Variants in FREM2 observed in about 807,000 individuals in gnomAD.
FREM2 encodes FRAS1 related extracellular matrix 2, also known as FRAS1-related extracellular matrix protein 2.
Under a neutral mutation model 219.9 loss-of-function variants are expected in FREM2, and 119 were observed. The ratio of observed to expected loss-of-function variants is 0.54; its 90% CI spans 0.47 to 0.63. The LOEUF (loss-of-function observed/expected upper bound fraction) is 0.63. FREM2 is among the 30% of genes least tolerant of loss of function. The pLI, the probability that FREM2 is intolerant of heterozygous loss-of-function variation, is 0.00. For synonymous variants in FREM2, 1,562 were observed against 1,522.8 expected, an observed-to-expected ratio of 1.03 and a Z score of -0.60; for missense variants, 4,030 against 3,993.6, an observed-to-expected ratio of 1.01 and a Z score of -0.25.
intron 20 of FREM2, 64 bp downstream of exon 20, chr13:38,876,446 T>TAAAAA: frequency 9.0e-7 from 1 of 1,111,530 alleles, no homozygotes; most frequent in African/African-American, 1.6e-5. Flanking sequence ...CATTTATTAG[T>TAAAAA]AAAAAAAAAA....
Position 38,881,999 on chromosome 13 carries a change from A to C in FREM2, c.*1212A>C, listed in dbSNP as rs1878565861. 1.3e-5 allele frequency: 2 copies of C among 152,162 alleles called. No individual in the cohort carries two copies. Among genetic ancestry groups the C allele is most frequent in the Admixed American group, 1.3e-4 (2 of 15,266 alleles). 9.4% of individuals were successfully genotyped at this position (152,162 alleles called of 1,614,324 possible). On this transcript the variant is annotated 3_prime_UTR_variant, in exon 24 of 24. Transcript: ENST00000280481. ...GACCATATTTTTATTTGGTTCAAGA[A>C]GACATCGCTCTGGCATCCCCAGTTC... is the stretch of plus-strand genomic sequence containing the variant.
At chr13:38,805,707 GA>G (rs1374813967) in intron 6 of FREM2, among the ~76,000 whole-genome samples, 2 of 151,920 alleles carry the variant, frequency 1.3e-5, no homozygotes, top group Non-Finnish European at 2.9e-5. Flanking sequence ...GTGGAATAAT[GA>G]AAGGTTACCA....
chr13:38,840,094 G>A (rs780806523), intron 6 of FREM2, among the ~76,000 whole-genome samples: 17 of 152,170 alleles, frequency 1.1e-4, no homozygotes, highest in East Asian at 7.7e-4. Context: ...ATAGGCACCC[G>A]AAGGAATCTC....
chr13:38,856,271 G>A lies in FREM2; in HGVS notation c.7056+15G>A, dbSNP rs1404817574. On this transcript the variant is annotated intron_variant, in intron 12 of 23. Coordinates refer to ENST00000280481, the MANE Select transcript of FREM2 (RefSeq NM_207361.6). ...CAGAGATGCAGGTAAGTAATGTAAT[G>A]TGTATGTAAATTCATGGCTAGCAGT... The A allele has an allele frequency of 2.5e-6, 4 of 1,609,076 alleles. No individual in the cohort carries two copies. The highest frequency in any genetic ancestry group is 1.7e-5 in the Admixed American group (1 of 59,896).
chr13:38,708,547 G>A (rs553872160), intron 2 of FREM2, among the ~76,000 whole-genome samples: 3 of 151,948 alleles, frequency 2.0e-5, no homozygotes, highest in Non-Finnish European at 2.9e-5. Context: ...CCAGCTACTC[G>A]GGAGGCTGAG....
At position 38,885,090 on chromosome 13, in the gene FREM2, C is replaced by G. The variant is rs897072005; in HGVS notation, c.*4303C>G. ...CTCCCCTTTTCCATGGATTTTGATACTAAGAAACAAAATGCTTTGAGATTT... is the reference window on the plus strand; with the variant it reads ...CTCCCCTTTTCCATGGATTTTGATAGTAAGAAACAAAATGCTTTGAGATTT... On this transcript the variant is annotated 3_prime_UTR_variant, in exon 24 of 24. Coordinates refer to ENST00000280481, the MANE Select transcript of FREM2 (RefSeq NM_207361.6). The G allele has an allele frequency of 6.6e-6, 1 of 152,036 alleles. No homozygotes were observed. Among genetic ancestry groups the G allele is most frequent in the African/African-American group, 2.4e-5 (1 of 41,424 alleles). 9.4% of individuals were successfully genotyped at this position (152,036 alleles called of 1,614,324 possible).
chr13:38,706,209 C>A (rs1167351356), intron 2 of FREM2, among the ~76,000 whole-genome samples: 1 of 152,058 alleles, frequency 6.6e-6, no homozygotes, highest in Non-Finnish European at 1.5e-5. Flanking sequence ...CAAAATATAA[C>A]CCTTCGAAAC....
intron 3 of FREM2, among the ~76,000 whole-genome samples, chr13:38,768,789 A>G (rs1288377364): frequency 1.3e-5 from 2 of 152,118 alleles, no homozygotes; most frequent in Non-Finnish European, 2.9e-5. Context: ...AATGTACCCT[A>G]TGGTTTGAGT....
At position 38,687,146 on chromosome 13, in the gene FREM2, T is replaced by G; in HGVS notation, c.-199T>G. ...GCGGAGCTGGACGGCCTGGGAAGGC[T>G]TCGGCTCCTCGGCTGCGGCTCCAGC... is the stretch of plus-strand genomic sequence containing the variant. On this transcript the variant is annotated 5_prime_UTR_variant, in exon 1 of 24. Transcript: ENST00000280481. 2.9e-6 allele frequency: 2 copies of G among 686,666 alleles called. No homozygotes were observed. The highest frequency in any genetic ancestry group is 2.4e-6 in the Non-Finnish European group (1 of 410,172). The allele number at this position is 686,666 out of a possible 1,614,324, so 42.5% of individuals were successfully genotyped here.
At chr13:38,836,771 C>T (rs1248316879) in intron 6 of FREM2, among the ~76,000 whole-genome samples, 1 of 152,126 alleles carries the variant, frequency 6.6e-6, no homozygotes, top group Non-Finnish European at 1.5e-5. Context: ...GTTTGTATTT[C>T]TGTGGGATCA....
chr13:38,771,277 C>G (rs907507690), intron 4 of FREM2, among the ~76,000 whole-genome samples: 4 of 152,266 alleles, frequency 2.6e-5, no homozygotes, highest in Middle Eastern at 6.8e-3. Context: ...ACTAAACTTT[C>G]TTTTGGTCCT....
intron 6 of FREM2, among the ~76,000 whole-genome samples, chr13:38,840,000 G>A (rs1876884358): frequency 6.6e-6 from 1 of 152,064 alleles, no homozygotes; most frequent in Admixed American, 6.5e-5. Flanking sequence ...CACCACTGAG[G>A]TATGAAAAAA....
chr13:38,782,852 GT>G (rs1874170512), intron 4 of FREM2, among the ~76,000 whole-genome samples: 1 of 152,192 alleles, frequency 6.6e-6, no homozygotes. Flanking sequence ...GCCATGTTGG[GT>G]TTTGTTTTTA....
At position 38,692,451 on chromosome 13, in the gene FREM2, GC is replaced by G. The variant is rs1869933612; in HGVS notation, c.5111del (p.Pro1704LeufsTer27). ...HISLRFIVTE[A>X]PQHGYLLNLD... ...TTCTCTTAGATTTATCGTGACAGAG[GC>G]CCCTCAACATGGATATCTTCTCAAC... is the stretch of plus-strand genomic sequence containing the variant. On this transcript the variant is annotated frameshift_variant, in exon 1 of 24. Transcript: ENST00000280481. LOFTEE classifies it high-confidence loss of function. 6.2e-7 allele frequency: 1 copy of G among 1,613,608 alleles called. No homozygotes were observed. The highest frequency in any genetic ancestry group is 8.5e-7 in the Non-Finnish European group (1 of 1,179,882).
chr13:38,881,368 G>C lies in FREM2; in HGVS notation c.*581G>C, dbSNP rs1878543035. 6.5e-6 allele frequency: 1 copy of C among 154,658 alleles called. No homozygotes were observed. The highest frequency in any genetic ancestry group is 2.4e-5 in the African/African-American group (1 of 41,442). The allele number at this position is 154,658 out of a possible 1,614,324, so 9.6% of individuals were successfully genotyped here. ...TTGGGAGACAGTGGAAGGAAAGATAGAGGGAAGGAAGTTCACTCACTTGAA... is the reference window on the plus strand; with the variant it reads ...TTGGGAGACAGTGGAAGGAAAGATACAGGGAAGGAAGTTCACTCACTTGAA... On this transcript the variant is annotated 3_prime_UTR_variant, in exon 24 of 24. Coordinates refer to ENST00000280481, the MANE Select transcript of FREM2 (RefSeq NM_207361.6).
At chr13:38,835,013 A>C (rs375787746) in intron 6 of FREM2, among the ~76,000 whole-genome samples, 183 of 152,294 alleles carry the variant, frequency 1.2e-3, no homozygotes, top group African/African-American at 4.3e-3. Context: ...TTAGTCATGA[A>C]GTCTTTGCCC....
rs746416568 is a variant in FREM2 at position 38,764,347 on chromosome 13, A to G, written c.5307A>G (p.Ala1769=). Residue 1769 remains alanine, a synonymous_variant, in exon 3 of 24, where the codon GCA becomes GCG. Transcript: ENST00000280481. ...LTYQNFRLNW[A]WISFEKEYYL... ...ACCAGAATTTTCGTCTGAATTGGGC[A>G]TGGATCTCCTTTGAAAAGGAATATT... 1 of 1,611,000 alleles carries G rather than the reference A, an allele frequency of 6.2e-7. No homozygotes were observed. The highest frequency in any genetic ancestry group is 8.5e-7 in the Non-Finnish European group (1 of 1,177,410).
intron 3 of FREM2, among the ~76,000 whole-genome samples, chr13:38,764,998 C>T (rs1473123701): frequency 6.6e-6 from 1 of 152,172 alleles, no homozygotes; most frequent in Admixed American, 6.5e-5. Context: ...GCAAGCTCCG[C>T]CTCCCAGGTT....
At chr13:38,824,692 G>C (rs956530802) in intron 6 of FREM2, among the ~76,000 whole-genome samples, 4 of 152,034 alleles carry the variant, frequency 2.6e-5, no homozygotes, top group Non-Finnish European at 5.9e-5. Context: ...CCAGTTAGCA[G>C]CTCTAGGTGG....
Sources: allele counts gnomAD v4.1 joint callset (sites outside exome capture counted in the v4.1 genomes callset), GRCh38; gene constraint gnomAD v4.1.1; transcripts MANE v1.5; gene names NCBI Gene and HGNC (gene_info 2026-07-23, HGNC 2026-07-21).